The following TUBGCP3 variants were observed in gnomAD, a reference collection of about 807,000 sequenced individuals.
TUBGCP3 encodes the protein tubulin gamma complex component 3.
Under a neutral mutation model 123.1 loss-of-function variants are expected in TUBGCP3, and 50 were observed. The ratio of observed to expected loss-of-function variants is 0.41; its 90% CI spans 0.32 to 0.51. The LOEUF (loss-of-function observed/expected upper bound fraction) is 0.51, where lower values mean the gene tolerates loss of function less well. Among genes scored for constraint, TUBGCP3 ranks in the 20% least tolerant of loss-of-function variants. The pLI is 0.36. For synonymous variants in TUBGCP3, 405 were observed against 413.9 expected, an observed-to-expected ratio of 0.98 and a Z score of 0.26; for missense variants, 882 against 1,127.0, an observed-to-expected ratio of 0.78 and a Z score of 3.11.
rs184746942 is a variant in TUBGCP3, at chr13:112,550,960, G to T, written c.967-2784C>A. ...AAAAATACAAAAAAATTAGCCGGGC[G>T]TGGTGGTGGGTGCCTGTGGTTCCGG... On this transcript the variant is annotated intron_variant, in intron 8 of 21. Transcript: ENST00000261965. Among the ~76,000 whole-genome samples the T allele has an allele frequency of 3.9e-5, 6 of 152,308 alleles. No individual in the cohort carries two copies. In the East Asian group the frequency reaches 1.2e-3, roughly 29 times the overall value.
Position 112,547,672 on chromosome 13 carries a change from A to G in TUBGCP3, c.1116T>C (p.Tyr372=). ...LTLRRLLVWT[Y]DPKIRLKTLA... is the part of the protein sequence containing the mutation. The stretch of plus-strand genomic sequence containing the variant: ...GGGTCTTCAGTCGTATTTTGGGATC[A>G]TAGGTCCAAACCAGGAGGCGCCGAA... The change falls in exon 10 of 22, where the codon TAT becomes TAC. Residue 372 remains tyrosine, a synonymous_variant. Coordinates refer to ENST00000261965, the MANE Select transcript of TUBGCP3 (RefSeq NM_006322.6). 6.3e-7 allele frequency: 1 copy of G among 1,587,590 alleles called. No individual in the cohort carries two copies. The highest frequency in any genetic ancestry group is 8.6e-7 in the Non-Finnish European group (1 of 1,164,476).
At chr13:112,585,153 AT>A (rs1472949310) in intron 1 of TUBGCP3, among the ~76,000 whole-genome samples, 3 of 152,252 alleles carry the variant, frequency 2.0e-5, no homozygotes, top group Non-Finnish European at 2.9e-5. Flanking sequence ...ACTAAAAAAA[AT>A]GTATTACAAA....
intron 13 of TUBGCP3, among the ~76,000 whole-genome samples, chr13:112,525,209 T>C (rs542824943): frequency 6.6e-6 from 1 of 152,320 alleles, no homozygotes; most frequent in African/African-American, 2.4e-5. Flanking sequence ...ATTCGTCCTA[T>C]TTCTCTTCTG....
intron 20 of TUBGCP3, among the ~76,000 whole-genome samples, chr13:112,495,142 C>T (rs931169997): frequency 1.3e-5 from 2 of 152,174 alleles, no homozygotes; most frequent in African/African-American, 4.8e-5. Flanking sequence ...TTGCCCAGAC[C>T]AATGTCCTAG....
intron 11 of TUBGCP3, among the ~76,000 whole-genome samples, chr13:112,537,526 T>C (rs146267084): frequency 5.2e-4 from 79 of 152,344 alleles, no homozygotes; most frequent in African/African-American, 1.8e-3. Flanking sequence ...CCTTCTACTA[T>C]GCTGATGAAT....
At chr13:112,605,511 C>T in the TUBGCP3 span, 1 of 152,184 alleles carries the variant, frequency 6.6e-6, no homozygotes, top group South Asian at 2.1e-4. Flanking sequence ...TCAGCTGCGC[C>T]TCCGTCTTCT....
chr13:112,547,892 T>C (rs1879200398), intron 9 of TUBGCP3, 140 bp from the exon 10 acceptor site: 1 of 1,143,628 alleles, frequency 8.7e-7, no homozygotes, highest in Admixed American at 3.3e-5. Flanking sequence ...AAAATAGTAT[T>C]TTAAAGCTAC....
intron 17 of TUBGCP3, among the ~76,000 whole-genome samples, chr13:112,505,527 G>A (rs1881234383): frequency 6.6e-6 from 1 of 152,204 alleles, no homozygotes; most frequent in African/African-American, 2.4e-5. Context: ...GTAAAGAAGT[G>A]GAACTTAAGC....
At chr13:112,551,454 G>A (rs539829085) in intron 8 of TUBGCP3, among the ~76,000 whole-genome samples, 1 of 152,208 alleles carries the variant, frequency 6.6e-6, no homozygotes, top group Non-Finnish European at 1.5e-5. Flanking sequence ...AATTATGCAA[G>A]GCATAAATTA....
the TUBGCP3 span, among the ~76,000 whole-genome samples, chr13:112,593,542 G>A: frequency 5.9e-5 from 9 of 152,132 alleles, no homozygotes; most frequent in African/African-American, 1.4e-4. Flanking sequence ...GCATGCTGCC[G>A]CGTGCCTGCA....
At chr13:112,558,597 G>A (rs1294247685) in intron 4 of TUBGCP3, among the ~76,000 whole-genome samples, 184 bp from the exon 5 acceptor site, 3 of 152,094 alleles carry the variant, frequency 2.0e-5, no homozygotes, top group Non-Finnish European at 4.4e-5. Flanking sequence ...TAAAGTTTTA[G>A]AAAATTTTCT....
At chr13:112,583,465 C>G (rs1490797109) in intron 1 of TUBGCP3, among the ~76,000 whole-genome samples, 1 of 152,146 alleles carries the variant, frequency 6.6e-6, no homozygotes, top group Non-Finnish European at 1.5e-5. Flanking sequence ...AAGGCAAGAC[C>G]CTCAGCTGGA....
At chr13:112,527,314 A>G in intron 12 of TUBGCP3, 60 bp downstream of exon 12, 1 of 1,278,878 alleles carries the variant, frequency 7.8e-7, no homozygotes, top group Non-Finnish European at 1.1e-6. Context: ...GTTTTGTCAC[A>G]TAATCTAAGT....
chr13:112,588,823 A>T (rs1282899783), upstream of TUBGCP3, among the ~76,000 whole-genome samples: 1 of 152,110 alleles, frequency 6.6e-6, no homozygotes, highest in Non-Finnish European at 1.5e-5. Flanking sequence ...ATGGAAAGAG[A>T]TCCCGAGATC....
upstream of TUBGCP3, among the ~76,000 whole-genome samples, chr13:112,590,915 A>G (rs1476056736): frequency 6.6e-6 from 1 of 152,272 alleles, no homozygotes; most frequent in Non-Finnish European, 1.5e-5. Context: ...TTCATCTGAA[A>G]TTATAACGGA....
At chr13:112,503,276 C>A (rs532807595) in intron 19 of TUBGCP3, among the ~76,000 whole-genome samples, 90 of 152,348 alleles carry the variant, frequency 5.9e-4, no homozygotes, top group African/African-American at 2.2e-3. Flanking sequence ...AGATTTGCCA[C>A]ATGGAACGTG....
intron 9 of TUBGCP3, 151 bp from the exon 10 acceptor site, chr13:112,547,903 C>A: frequency 2.7e-6 from 3 of 1,112,438 alleles, no homozygotes; most frequent in Non-Finnish European, 2.4e-6. Flanking sequence ...TTAAAGCTAC[C>A]TTTAACCGGT....
At position 112,489,609 on chromosome 13, in the gene TUBGCP3, T is replaced by C. The variant is rs1344722065; in HGVS notation, c.2537A>G (p.Gln846Arg). The C allele has an allele frequency of 6.2e-7, 1 of 1,614,230 alleles. No individual in the cohort carries two copies. The highest frequency in any genetic ancestry group is 8.5e-7 in the Non-Finnish European group (1 of 1,180,000). ...FKESIPKMCSQLRILTHFYQG... is the reference protein window; with the variant it reads ...FKESIPKMCSRLRILTHFYQG... The stretch of plus-strand genomic sequence containing the variant: ...GTAGAAATGGGTCAATATTCGCAAC[T>C]GTGAGCACATTTTTGGTATAGATTC... Residue 846 changes from glutamine (Q) to arginine (R), a missense_variant, in exon 21 of 22, where the codon CAG (glutamine) becomes CGG (arginine). This residue lies in a region of TUBGCP3 where 160 missense variants were observed against 220.3 expected (regional missense o/e 0.73). Transcript: ENST00000261965.
At chr13:112,573,408 TG>T (rs1881565137) in intron 1 of TUBGCP3, among the ~76,000 whole-genome samples, 1 of 151,516 alleles carries the variant, frequency 6.6e-6, no homozygotes, top group Non-Finnish European at 1.5e-5. Flanking sequence ...CAGGCAGAAG[TG>T]GGGAGGGAGA....
Sources: gnomAD v4.1 joint callset for allele counts (sites outside exome capture counted in the v4.1 genomes callset) on GRCh38, gnomAD v4.1.1 for gene constraint, gnomAD v4.1.1 regional missense constraint, MANE v1.5 for transcripts, NCBI Gene and HGNC (gene_info 2026-07-23, HGNC 2026-07-21) for gene names.